The following FAM110A variants were observed in gnomAD, a reference collection of about 807,000 sequenced individuals.
FAM110A encodes family with sequence similarity 110 member A.
In FAM110A, 1 loss-of-function variant was observed where a neutral mutation model predicts 4.0. That is an observed-to-expected ratio of 0.25 (90% CI 0.09 to 1.20). The LOEUF (loss-of-function observed/expected upper bound fraction) is 1.20. FAM110A is among the 50% of genes most tolerant of loss of function. The pLI is 0.50. For synonymous variants in FAM110A, 217 were observed against 196.8 expected (o/e 1.10, Z -0.86); for missense variants, 436 against 429.2 (o/e 1.02, Z -0.14).
In FAM110A at chr20:833,930, A is replaced by G. The variant is rs2122638803; in HGVS notation, c.-119A>G. ...CAAAGCCTGCGCGAGAGGAGCCGGG[A>G]CACGCCTAGCGCGGGCTCCAGGTGA... On this transcript the variant is annotated 5_prime_UTR_variant, in exon 1 of 2. Transcript: ENST00000381941. This position sits in a 1 kb window ranked among gnomAD's most constrained non-coding sequence, Gnocchi z 4.1. 6.6e-6 allele frequency: 1 copy of G among 152,346 alleles called. No individual in the cohort carries two copies. The highest frequency in any genetic ancestry group is 3.4e-3 in the Middle Eastern group (1 of 296). The allele number at this position is 152,346 out of a possible 1,614,324, so 9.4% of individuals were successfully genotyped here. A position where few individuals can be genotyped will look rare whatever the true frequency, so the allele number is the denominator to read the frequency against.
chr20:838,347 A>C (rs1317829532), intron 1 of FAM110A, among the ~76,000 whole-genome samples: 1 of 152,122 alleles, frequency 6.6e-6, no homozygotes, highest in African/African-American at 2.4e-5. Context: ...TATACATTTA[A>C]TATATACCTC....
chr20:839,436 C>T (rs1338369942), intron 1 of FAM110A: 1 of 704,412 alleles, frequency 1.4e-6, no homozygotes, highest in East Asian at 2.9e-5. Flanking sequence ...GTGAAATAAT[C>T]CTCTCCAATT....
At position 834,728 on chromosome 20, in the gene FAM110A, G is replaced by A. The variant is rs149423152; in HGVS notation, c.-98+777G>A. On this transcript the variant is annotated intron_variant, in intron 1 of 1. Transcript: ENST00000381941. The surrounding 1 kb of genome is among the most constrained non-coding windows in gnomAD (Gnocchi z 5.6). ...GAAGTCACAGTCAGACAATGCAGTGGTTAGCTCCTAGTCCCTCTGGCTTCA... is the reference window on the plus strand; with the variant it reads ...GAAGTCACAGTCAGACAATGCAGTGATTAGCTCCTAGTCCCTCTGGCTTCA... Among the ~76,000 whole-genome samples, 1 of 152,294 alleles carries A rather than the reference G, an allele frequency of 6.6e-6. No individual in the cohort carries two copies. The highest frequency in any genetic ancestry group is 2.4e-5 in the African/African-American group (1 of 41,564).
chr20:844,433 TCAGGTTGCC>T (rs906328461), intron 1 of FAM110A, among the ~76,000 whole-genome samples: 446 of 5,876 alleles, frequency 0.076, 1 homozygote, highest in Non-Finnish European at 0.14. Flanking sequence ...TCTTTTCTGC[TCAGGTTGCC>T]CAGGTCGCCC....
intron 1 of FAM110A, among the ~76,000 whole-genome samples, chr20:837,907 CT>C (rs754428253): frequency 0.012 from 1,672 of 144,842 alleles, 18 homozygotes; most frequent in Non-Finnish European, 0.017. Context: ...GGACCCTGTC[CT>C]TTTTTTTTTT....
Position 839,548 on chromosome 20 carries a change from G to A in FAM110A, c.-97-5160G>A, listed in dbSNP as rs529601270. The A allele has an allele frequency of 1.9e-4, 190 of 1,021,100 alleles. 2 individuals are homozygous for A. Among genetic ancestry groups the A allele is most frequent in the South Asian group, 2.9e-4 (23 of 78,794 alleles). 63.3% of individuals were successfully genotyped at this position (1,021,100 alleles called of 1,614,324 possible). A position where few individuals can be genotyped will look rare whatever the true frequency, so the allele number is the denominator to read the frequency against. On this transcript the variant is annotated intron_variant, in intron 1 of 1. Transcript: ENST00000381941. Reference sequence around the variant, plus strand: ...TCGGCTTTCTTGTCAGCACCAGGGGGCACAGAACACCGTCTGTAGGTATCT... The same window carrying A: ...TCGGCTTTCTTGTCAGCACCAGGGGACACAGAACACCGTCTGTAGGTATCT...
intron 1 of FAM110A, among the ~76,000 whole-genome samples, chr20:843,310 A>T (rs1980049476): frequency 1.3e-5 from 2 of 150,878 alleles, no homozygotes; most frequent in South Asian, 4.2e-4. Flanking sequence ...CCCAATCCAG[A>T]CTCACTCCCT....
chr20:841,692 G>A (rs1979927400), intron 1 of FAM110A, among the ~76,000 whole-genome samples: 1 of 152,224 alleles, frequency 6.6e-6, no homozygotes, highest in African/African-American at 2.4e-5. Flanking sequence ...ATGCAAGCCA[G>A]AAGGGCCGGC....
chr20:845,739 A>C lies in FAM110A; in HGVS notation c.*47A>C. 6.2e-7 allele frequency: 1 copy of C among 1,610,590 alleles called. No individual in the cohort carries two copies. Among genetic ancestry groups the C allele is most frequent in the Non-Finnish European group, 8.5e-7 (1 of 1,178,520 alleles). ...GCCACAGGACGGATCTTACAGAGGCAAGTGGTCCCTGGACCTCTCTTGCAT... is the reference window on the plus strand; with the variant it reads ...GCCACAGGACGGATCTTACAGAGGCCAGTGGTCCCTGGACCTCTCTTGCAT... On this transcript the variant is annotated 3_prime_UTR_variant, in exon 2 of 2. Coordinates refer to ENST00000381941, the MANE Select transcript of FAM110A (RefSeq NM_001042353.3).
intron 1 of FAM110A, among the ~76,000 whole-genome samples, chr20:838,467 G>A (rs1979699562): frequency 6.6e-6 from 1 of 152,176 alleles, no homozygotes; most frequent in African/African-American, 2.4e-5. Context: ...AGGGTGTGAT[G>A]GAGCTCATGG....
chr20:842,706 AATGTTTTAATCATTATT>A (rs1341778163), intron 1 of FAM110A, among the ~76,000 whole-genome samples: 1 of 152,162 alleles, frequency 6.6e-6, no homozygotes, highest in Non-Finnish European at 1.5e-5. Context: ...CTGTATATGC[AATGTTTTAATCATTATT>A]ATCGAATATG....
intron 1 of FAM110A, among the ~76,000 whole-genome samples, chr20:835,513 A>G (rs1979534419): frequency 1.3e-5 from 2 of 151,926 alleles, no homozygotes; most frequent in Non-Finnish European, 1.5e-5. Context: ...TGCATGTGTT[A>G]TCTTCCATTC....
Position 840,030 on chromosome 20 carries a change from T to C in FAM110A, c.-97-4678T>C. 1 of 907,106 alleles carries C rather than the reference T, an allele frequency of 1.1e-6. No homozygotes were observed. The highest frequency in any genetic ancestry group is 1.8e-6 in the Non-Finnish European group (1 of 567,148). The allele number at this position is 907,106 out of a possible 1,614,324, so 56.2% of individuals were successfully genotyped here. A position where few individuals can be genotyped will look rare whatever the true frequency, so the allele number is the denominator to read the frequency against. ...GGCTGGAAAGGAAGGACTGTTCTTT[T>C]CTTTGCTATTACGAAAATCATTATT... On this transcript the variant is annotated intron_variant, in intron 1 of 1. Coordinates refer to ENST00000381941, the MANE Select transcript of FAM110A (RefSeq NM_001042353.3). This position sits in a 1 kb window ranked among gnomAD's most constrained non-coding sequence, Gnocchi z 4.4.
At chr20:839,276 T>G (rs551684364) in intron 1 of FAM110A, among the ~76,000 whole-genome samples, 1 of 152,348 alleles carries the variant, frequency 6.6e-6, no homozygotes, top group Non-Finnish European at 1.5e-5. Context: ...TTTTCTCATC[T>G]GAAAATGGGC....
intron 1 of FAM110A, chr20:840,000 G>A (rs1979797871): frequency 8.6e-7 from 1 of 1,157,296 alleles, no homozygotes; most frequent in Non-Finnish European, 1.3e-6. Context: ...AGGGTCCGGG[G>A]CTGGGGCTGG....
intron 1 of FAM110A, among the ~76,000 whole-genome samples, chr20:836,692 C>A (rs1979592506): frequency 6.6e-6 from 1 of 152,096 alleles, no homozygotes; most frequent in Non-Finnish European, 1.5e-5. Flanking sequence ...TGTTTGAGTT[C>A]CTGTTTTTAA....
chr20:844,672 C>G (rs1358846583), intron 1 of FAM110A, 36 bp from the exon 2 acceptor site: 4 of 1,256,304 alleles, frequency 3.2e-6, no homozygotes, highest in Admixed American at 3.8e-5. Flanking sequence ...TGAGCGCGCT[C>G]GGCTTTTTTT....
At chr20:843,064 A>G (rs895227410) in intron 1 of FAM110A, among the ~76,000 whole-genome samples, 1 of 152,166 alleles carries the variant, frequency 6.6e-6, no homozygotes, top group Non-Finnish European at 1.5e-5. Flanking sequence ...TAAAACAACC[A>G]TACACAAATA....
rs1389798426 is a variant in FAM110A, at chr20:845,442, C to T, written c.638C>T (p.Pro213Leu). ...ERFFNFCGLD[P>L]EEARGLGVAH... is the part of the protein sequence containing the mutation. ...TTTTTTAACTTCTGCGGCCTGGACC[C>T]GGAGGAGGCGAGAGGGTTGGGTGTG... The change falls in exon 2 of 2, where the codon CCG becomes CTG. Residue 213 changes from proline (P) to leucine (L), a missense_variant. Transcript: ENST00000381941. 1.9e-6 allele frequency: 3 copies of T among 1,613,698 alleles called. No homozygotes were observed. The highest frequency in any genetic ancestry group is 1.3e-5 in the African/African-American group (1 of 75,052).
Sources: gnomAD v4.1 joint callset for allele counts (sites outside exome capture counted in the v4.1 genomes callset) on GRCh38, gnomAD v4.1.1 for gene constraint, Gnocchi (gnomAD v3.1) non-coding constraint, MANE v1.5 for transcripts, NCBI Gene and HGNC (gene_info 2026-07-23, HGNC 2026-07-21) for gene names.